DNAH8: variants seen among roughly 807,000 people sequenced by gnomAD.
DNAH8 encodes axonemal beta dynein heavy chain 8.
In DNAH8, 382 loss-of-function variants were observed where a neutral mutation model predicts 562.1. The ratio of observed to expected loss-of-function variants is 0.68; its 90% CI spans 0.63 to 0.74. The LOEUF is 0.74. DNAH8 is among the 30% of genes least tolerant of loss of function. The probability of loss-of-function intolerance (pLI) is 0.00; values close to 1 mark genes in which losing one functional copy is unlikely to be tolerated. For missense variants in DNAH8, 5,203 were observed against 5,620.4 expected (o/e 0.93, Z 2.37); for synonymous variants, 1,881 against 1,919.4 (o/e 0.98, Z 0.52).
At chr6:38,995,439 T>C (rs1198224124) in intron 88 of DNAH8, among the ~76,000 whole-genome samples, 1 of 152,212 alleles carries the variant, frequency 6.6e-6, no homozygotes, top group Non-Finnish European at 1.5e-5. Context: ...TGTGGAAGTT[T>C]TTCTAAGCTC....
rs757762507 is a variant in DNAH8, at chr6:38,842,822, C to A, written c.4764C>A (p.Thr1588=). The change falls in exon 35 of 93, where the codon ACC becomes ACA. Residue 1588 remains threonine, a synonymous_variant. Coordinates refer to ENST00000327475, the MANE Select transcript of DNAH8 (RefSeq NM_001206927.2). ...ATAGAATCTCCGAGTTAACTGGAAC[C>A]CCATTTGATGTGGAATCTGATTCTT... ...HWDRISELTG[T]PFDVESDSFC... is the part of the protein sequence containing the mutation. 6.2e-7 allele frequency: 1 copy of A among 1,613,798 alleles called. No individual in the cohort carries two copies. Among genetic ancestry groups the A allele is most frequent in the Non-Finnish European group, 8.5e-7 (1 of 1,179,844 alleles).
chr6:38,883,578 C>T (rs1454428852), intron 55 of DNAH8, 122 bp downstream of exon 55: 9 of 1,141,596 alleles, frequency 7.9e-6, no homozygotes, highest in Non-Finnish European at 1.1e-5. Context: ...TCATGCTGCA[C>T]TTGGCATTCA....
intron 57 of DNAH8, among the ~76,000 whole-genome samples, chr6:38,888,069 C>T (rs535016608): frequency 6.6e-6 from 1 of 152,000 alleles, no homozygotes; most frequent in African/African-American, 2.4e-5. Flanking sequence ...GAACTCCTGA[C>T]CTCAGGTGAT....
In DNAH8 at chr6:38,853,214, C is replaced by T; in HGVS notation, c.5600C>T (p.Pro1867Leu). Reference protein sequence around the residue: ...VLDNSVMAKGPVEIWLLDLLK... With the variant: ...VLDNSVMAKGLVEIWLLDLLK... ...GATAATTCTGTTATGGCCAAAGGTC[C>T]TGTGGAGATTTGGCTACTGGATTTG... Residue 1867 changes from proline (P) to leucine (L), a missense_variant, in exon 41 of 93, where the codon CCT (proline) becomes CTT (leucine). Around this residue, in one of 6 missense-constraint regions of DNAH8, gnomAD observed 2,176 missense variants for 2,365.1 expected, o/e 0.92. Transcript: ENST00000327475. 1 of 1,612,196 alleles carries T rather than the reference C, an allele frequency of 6.2e-7. No individual in the cohort carries two copies. Among genetic ancestry groups the T allele is most frequent in the Non-Finnish European group, 8.5e-7 (1 of 1,179,318 alleles).
chr6:38,941,572 ACTAT>A (rs1783462118), intron 79 of DNAH8, among the ~76,000 whole-genome samples: 1 of 152,272 alleles, frequency 6.6e-6, no homozygotes, highest in African/African-American at 2.4e-5. Context: ...TACAATGAAC[ACTAT>A]CTAGGGTGGG....
intron 1 of DNAH8, among the ~76,000 whole-genome samples, chr6:38,722,389 A>T (rs1427727744): frequency 6.6e-6 from 1 of 152,092 alleles, no homozygotes; most frequent in Admixed American, 6.5e-5. Flanking sequence ...CTCGGCAGTG[A>T]TCTACAGTCT....
chr6:38,884,771 A>T (rs1169270876), intron 56 of DNAH8, among the ~76,000 whole-genome samples: 1 of 152,122 alleles, frequency 6.6e-6, no homozygotes, highest in Non-Finnish European at 1.5e-5. Flanking sequence ...AAAATGAAAA[A>T]CCAAACAACT....
At chr6:38,792,129 C>T (rs1436371419) in intron 21 of DNAH8, among the ~76,000 whole-genome samples, 1 of 152,092 alleles carries the variant, frequency 6.6e-6, no homozygotes, top group Non-Finnish European at 1.5e-5. Flanking sequence ...CTCTTGTCAC[C>T]CAGGCTGGAA....
chr6:38,872,055 T>C (rs1275760456), intron 49 of DNAH8, among the ~76,000 whole-genome samples: 1 of 152,216 alleles, frequency 6.6e-6, no homozygotes. Context: ...CTGGGAGCAC[T>C]ACCTGAATAA....
chr6:38,963,253 C>CTTTTTTT (rs57083753), intron 82 of DNAH8, among the ~76,000 whole-genome samples: 109 of 102,620 alleles, frequency 1.1e-3, no homozygotes, highest in Middle Eastern at 6.5e-3. Flanking sequence ...AGTCCTTTTT[C>CTTTTTTT]TTTTTTTTTT....
intron 82 of DNAH8, among the ~76,000 whole-genome samples, chr6:38,953,390 G>T (rs1164160766): frequency 6.6e-6 from 1 of 152,132 alleles, no homozygotes; most frequent in Non-Finnish European, 1.5e-5. Context: ...AAAATTCAAG[G>T]TCTCCTTTGG....
chr6:38,832,653 C>T (rs1044343070), intron 31 of DNAH8, among the ~76,000 whole-genome samples: 15 of 152,114 alleles, frequency 9.9e-5, no homozygotes, highest in African/African-American at 3.6e-4. Flanking sequence ...TTTTTCTGGG[C>T]CACACATAAA....
intron 10 of DNAH8, among the ~76,000 whole-genome samples, chr6:38,758,119 A>G (rs1357554618): frequency 6.6e-6 from 1 of 152,204 alleles, no homozygotes; most frequent in Non-Finnish European, 1.5e-5. Context: ...TACCTTGGGC[A>G]GTATGGCCAT....
chr6:38,839,036 T>C (rs1377534343), intron 33 of DNAH8, among the ~76,000 whole-genome samples: 2 of 152,140 alleles, frequency 1.3e-5, no homozygotes, highest in East Asian at 3.9e-4. Context: ...GGGTAGGTGG[T>C]TTGTATTCTC....
chr6:38,955,099 C>G (rs1361859707), intron 82 of DNAH8, among the ~76,000 whole-genome samples: 1 of 152,100 alleles, frequency 6.6e-6, no homozygotes, highest in Non-Finnish European at 1.5e-5. Flanking sequence ...TTCCAAGTAG[C>G]TGGGACTACA....
chr6:38,984,350 T>C (rs767635409), intron 87 of DNAH8, 43 bp downstream of exon 87: 2 of 1,327,462 alleles, frequency 1.5e-6, no homozygotes, highest in Non-Finnish European at 2.2e-6. Context: ...CACATTTCAC[T>C]GTATTTTCCA....
chr6:38,883,153 C>A, intron 54 of DNAH8, 101 bp downstream of exon 54: 1 of 1,343,000 alleles, frequency 7.4e-7, no homozygotes, highest in Non-Finnish European at 1.0e-6. Flanking sequence ...ACACATTTTA[C>A]ATTTAAATCT....
intron 91 of DNAH8, among the ~76,000 whole-genome samples, chr6:39,023,458 A>G (rs1198777307): frequency 6.6e-6 from 1 of 152,154 alleles, no homozygotes; most frequent in African/African-American, 2.4e-5. Flanking sequence ...ACGCCATTGC[A>G]CTCCAGCCTG....
rs111948687 is a variant in DNAH8, at chr6:38,984,399, A to G, written c.13053+92A>G. The stretch of plus-strand genomic sequence containing the variant: ...TAATAGGTCTGCCAAACTCAAGCAT[A>G]CAGCAGAGCTGCTGCAAAGAATTAG... On this transcript the variant is annotated intron_variant, in intron 87 of 92. Coordinates refer to ENST00000327475, the MANE Select transcript of DNAH8 (RefSeq NM_001206927.2). 1,641 of 764,090 alleles carry G rather than the reference A, an allele frequency of 2.1e-3. 21 individuals are homozygous for G. The African/African-American group carries it at 0.024, about 11-fold the overall frequency. 47.3% of individuals were successfully genotyped at this position (764,090 alleles called of 1,614,324 possible).
Sources: allele counts gnomAD v4.1 joint callset (sites outside exome capture counted in the v4.1 genomes callset), GRCh38; gene constraint gnomAD v4.1.1; regional missense constraint gnomAD v4.1.1; transcripts MANE v1.5; gene names NCBI Gene and HGNC (gene_info 2026-07-23, HGNC 2026-07-21).